Variants in MYRIP observed in about 807,000 individuals in gnomAD.
MYRIP encodes rab effector MyRIP.
In MYRIP, 49 loss-of-function variants were observed where a neutral mutation model predicts 98.0. That is an observed-to-expected ratio of 0.50 (90% CI 0.40 to 0.63). MYRIP has a LOEUF of 0.63. MYRIP is among the 30% of genes least tolerant of loss of function. The pLI, the probability that MYRIP is intolerant of heterozygous loss-of-function variation, is 0.00. For synonymous variants in MYRIP, 404 were observed against 409.5 expected (o/e 0.99, Z 0.16); for missense variants, 1,004 against 1,058.2 (o/e 0.95, Z 0.71).
chr3:40,061,723 T>G (rs1373469345), intron 3 of MYRIP, among the ~76,000 whole-genome samples: 1 of 152,224 alleles, frequency 6.6e-6, no homozygotes, highest in Non-Finnish European at 1.5e-5. Flanking sequence ...TGTTCCCATT[T>G]CTCTGCAACC....
At chr3:40,035,124 A>G (rs929363764) in intron 2 of MYRIP, among the ~76,000 whole-genome samples, 1 of 150,718 alleles carries the variant, frequency 6.6e-6, no homozygotes, top group South Asian at 2.1e-4. Context: ...CCTAATGCTA[A>G]ATGACAAGTT....
chr3:40,249,773 G>T (rs932366953), intron 13 of MYRIP, among the ~76,000 whole-genome samples: 1 of 152,154 alleles, frequency 6.6e-6, no homozygotes, highest in Non-Finnish European at 1.5e-5. Context: ...ACCAGGGACC[G>T]CTAGGCCTCC....
intron 2 of MYRIP, among the ~76,000 whole-genome samples, chr3:40,031,233 G>C (rs1006699885): frequency 3.9e-5 from 6 of 152,146 alleles, no homozygotes; most frequent in East Asian, 1.9e-4. Flanking sequence ...GGCGGCCCTG[G>C]AGTCCCATAT....
intron 2 of MYRIP, among the ~76,000 whole-genome samples, chr3:39,912,220 C>T (rs2125681645): frequency 6.6e-6 from 1 of 152,224 alleles, no homozygotes; most frequent in Non-Finnish European, 1.5e-5. Context: ...AATTCTTATA[C>T]CTCAGGCTGG....
In MYRIP at chr3:39,948,120, G is replaced by A. The variant is rs1350824668; in HGVS notation, c.110+47194G>A. ...AAAAAATATAAATTTTCTGGGGAGA[G>A]GGGTAATTAAGTTAAAATGTGATAC... On this transcript the variant is annotated intron_variant, in intron 2 of 16. Coordinates refer to ENST00000302541, the MANE Select transcript of MYRIP (RefSeq NM_015460.4). 2.0e-5 allele frequency among the ~76,000 whole-genome samples: 3 copies of A among 152,104 alleles called. No homozygotes were observed. The East Asian group carries it at 5.8e-4, about 29-fold the overall frequency.
rs538783850 is a variant in MYRIP at position 40,128,536 on chromosome 3, C to T, written c.333-22512C>T. Among the ~76,000 whole-genome samples the T allele has an allele frequency of 8.5e-5, 13 of 152,298 alleles. 1 individual carries two copies. In the South Asian group the frequency reaches 2.7e-3, roughly 32 times the overall value. On this transcript the variant is annotated intron_variant, in intron 3 of 16. Coordinates refer to ENST00000302541, the MANE Select transcript of MYRIP (RefSeq NM_015460.4). ...CTCAGGGCCTCAATCCCCTGTATTG[C>T]ATGTGTTCCGTGGGACAGGCCAGGG...
chr3:40,068,059 T>C (rs1163061796), intron 3 of MYRIP, among the ~76,000 whole-genome samples: 1 of 152,212 alleles, frequency 6.6e-6, no homozygotes, highest in Non-Finnish European at 1.5e-5. Flanking sequence ...CATTGGGCGT[T>C]TCTTCTCTCA....
intron 2 of MYRIP, among the ~76,000 whole-genome samples, chr3:40,005,388 C>G (rs1222223611): frequency 6.6e-6 from 1 of 152,240 alleles, no homozygotes; most frequent in African/African-American, 2.4e-5. Flanking sequence ...GTATATGTCT[C>G]AGGCATAGAT....
intron 1 of MYRIP, among the ~76,000 whole-genome samples, chr3:39,864,525 A>G (rs561214040): frequency 6.6e-6 from 1 of 152,314 alleles, no homozygotes; most frequent in South Asian, 2.1e-4. Flanking sequence ...CTGAGAGACA[A>G]ATCAGTAATC....
intron 2 of MYRIP, among the ~76,000 whole-genome samples, chr3:40,009,967 A>G (rs1946723961): frequency 6.6e-6 from 1 of 152,176 alleles, no homozygotes. Context: ...TTTTCTCAGT[A>G]AAGATGATTT....
chr3:40,060,422 T>A (rs1213846837), intron 3 of MYRIP, among the ~76,000 whole-genome samples: 1 of 152,166 alleles, frequency 6.6e-6, no homozygotes, highest in Non-Finnish European at 1.5e-5. Flanking sequence ...ATTTTTTTTT[T>A]CTTATTTCAA....
At chr3:39,896,694 C>T (rs1426768624) in intron 1 of MYRIP, among the ~76,000 whole-genome samples, 1 of 152,156 alleles carries the variant, frequency 6.6e-6, no homozygotes, top group African/African-American at 2.4e-5. Context: ...ATATCAGGTG[C>T]ATTATCACAC....
intron 1 of MYRIP, among the ~76,000 whole-genome samples, chr3:39,832,999 T>C (rs1941498703): frequency 6.6e-6 from 1 of 152,174 alleles, no homozygotes. Flanking sequence ...TACACAACAC[T>C]AGGAAACAGG....
At chr3:39,946,155 G>C (rs138020670) in intron 2 of MYRIP, among the ~76,000 whole-genome samples, 4 of 152,214 alleles carry the variant, frequency 2.6e-5, no homozygotes, top group African/African-American at 9.6e-5. Context: ...ACTGCATATT[G>C]TCCCAGTAAA....
chr3:40,144,362 T>C (rs1949970085), intron 3 of MYRIP, among the ~76,000 whole-genome samples: 1 of 152,174 alleles, frequency 6.6e-6, no homozygotes, highest in African/African-American at 2.4e-5. Context: ...GTCTGAGTCA[T>C]GAGACCACCA....
chr3:40,057,617 CTGTCTTAGTGG>C (rs1381462070), intron 3 of MYRIP, among the ~76,000 whole-genome samples: 6 of 152,198 alleles, frequency 3.9e-5, no homozygotes, highest in Non-Finnish European at 7.3e-5. Flanking sequence ...CATACTTTCT[CTGTCTTAGTGG>C]TGCACACATG....
chr3:40,068,074 T>C (rs530324576), intron 3 of MYRIP, among the ~76,000 whole-genome samples: 40 of 152,362 alleles, frequency 2.6e-4, no homozygotes, highest in African/African-American at 9.4e-4. Context: ...CTCTCATTTT[T>C]ATTTCGCAGC....
chr3:40,016,019 C>T (rs1184868460), intron 2 of MYRIP, among the ~76,000 whole-genome samples: 1 of 151,804 alleles, frequency 6.6e-6, no homozygotes, highest in Non-Finnish European at 1.5e-5. Context: ...GTGGCCATGC[C>T]CTCCTTGAAG....
At chr3:39,811,106 T>A (rs1442483692) in intron 1 of MYRIP, among the ~76,000 whole-genome samples, 2 of 152,128 alleles carry the variant, frequency 1.3e-5, no homozygotes, top group African/African-American at 4.8e-5. Context: ...TGTGGTGTTG[T>A]GGGCGCTTCT....
Sources: allele counts gnomAD v4.1 joint callset (sites outside exome capture counted in the v4.1 genomes callset), GRCh38; gene constraint gnomAD v4.1.1; transcripts MANE v1.5; gene names NCBI Gene and HGNC (gene_info 2026-07-23, HGNC 2026-07-21).